TBL1XR1: variants seen among roughly 807,000 people sequenced by gnomAD.
TBL1XR1 encodes F-box-like/WD repeat-containing protein TBL1XR1.
In TBL1XR1, 5 loss-of-function variants were observed where a neutral mutation model predicts 66.9. The observed-to-expected ratio is 0.07, with a 90% confidence interval of 0.04 to 0.16. The LOEUF is 0.16. TBL1XR1 is among the 10% of genes least tolerant of loss of function. The pLI is 1.00. For missense variants in TBL1XR1, 238 were observed against 623.2 expected (o/e 0.38, Z 6.58); for synonymous variants, 210 against 206.0 (o/e 1.02, Z -0.17).
chr3:177,137,995 G>A (rs1157743479), intron 1 of TBL1XR1, among the ~76,000 whole-genome samples: 1 of 152,110 alleles, frequency 6.6e-6, no homozygotes, highest in African/African-American at 2.4e-5. Context: ...CAACAGCACT[G>A]TTGCAAAGCG....
At chr3:177,144,611 G>C (rs913638813) in intron 1 of TBL1XR1, among the ~76,000 whole-genome samples, 4 of 151,996 alleles carry the variant, frequency 2.6e-5, no homozygotes, top group African/African-American at 9.7e-5. Flanking sequence ...AAAATTGGCT[G>C]GGTGTGGTAG....
intron 1 of TBL1XR1, among the ~76,000 whole-genome samples, chr3:177,169,629 A>G (rs79789618): frequency 6.6e-6 from 1 of 152,268 alleles, no homozygotes. Flanking sequence ...CCAGTAATGG[A>G]GTGGTACAAC....
At chr3:177,045,528 G>C (rs1716211331) in intron 10 of TBL1XR1, among the ~76,000 whole-genome samples, 2 of 152,192 alleles carry the variant, frequency 1.3e-5, no homozygotes, top group Admixed American at 1.3e-4. Flanking sequence ...TCAGATAAAA[G>C]TACCACATTG....
intron 1 of TBL1XR1, among the ~76,000 whole-genome samples, chr3:177,155,473 G>T (rs1731378634): frequency 6.6e-6 from 1 of 152,078 alleles, no homozygotes; most frequent in African/African-American, 2.4e-5. Flanking sequence ...GATCTATGTT[G>T]TTCTGTATCT....
At position 177,085,982 on chromosome 3, in the gene TBL1XR1, C is replaced by G. The variant is rs1323970225; in HGVS notation, c.-46+12484G>C. ...AAGTATATGATATGGAATCACTTCT[C>G]TAAACATTAGTTCTTCATTTGTAAA... On this transcript the variant is annotated intron_variant, in intron 2 of 15. Coordinates refer to ENST00000457928, the MANE Select transcript of TBL1XR1 (RefSeq NM_024665.7). Among the ~76,000 whole-genome samples the G allele has an allele frequency of 3.9e-5, 6 of 152,106 alleles. No homozygotes were observed. In the East Asian group the frequency reaches 9.6e-4, roughly 24 times the overall value.
intron 1 of TBL1XR1, among the ~76,000 whole-genome samples, chr3:177,188,163 C>G (rs1735678127): frequency 6.6e-6 from 1 of 151,908 alleles, no homozygotes; most frequent in Admixed American, 6.6e-5. Flanking sequence ...AACTCCTGAC[C>G]TCGTGATCCA....
intron 1 of TBL1XR1, among the ~76,000 whole-genome samples, chr3:177,133,296 AAAAATAAATAAAT>A (rs1380223021): frequency 6.6e-6 from 1 of 151,478 alleles, no homozygotes; most frequent in Non-Finnish European, 1.5e-5. Context: ...TCAAAAAATA[AAAAATAAATAAAT>A]AAAATAAATA....
At chr3:177,123,166 T>C (rs943233791) in intron 1 of TBL1XR1, among the ~76,000 whole-genome samples, 6 of 152,120 alleles carry the variant, frequency 3.9e-5, no homozygotes, top group Non-Finnish European at 8.8e-5. Context: ...AAGAAAATCT[T>C]GATTAGTATA....
At chr3:177,093,628 T>C (rs950110232) in intron 2 of TBL1XR1, among the ~76,000 whole-genome samples, 3 of 152,122 alleles carry the variant, frequency 2.0e-5, no homozygotes, top group East Asian at 1.9e-4. Context: ...AATAGGCACA[T>C]AGGCCAATGG....
chr3:177,037,205 C>T (rs1185786015), intron 12 of TBL1XR1, among the ~76,000 whole-genome samples: 1 of 152,202 alleles, frequency 6.6e-6, no homozygotes, highest in African/African-American at 2.4e-5. Flanking sequence ...CCAATCAAAT[C>T]CATGAATGCT....
At chr3:177,120,005 G>A (rs1180111853) in intron 1 of TBL1XR1, among the ~76,000 whole-genome samples, 2 of 152,160 alleles carry the variant, frequency 1.3e-5, no homozygotes, top group Admixed American at 1.3e-4. Flanking sequence ...TTATACTCCA[G>A]CAGGTGTCTC....
At chr3:177,101,690 A>C (rs1178891610) in intron 1 of TBL1XR1, among the ~76,000 whole-genome samples, 3 of 152,226 alleles carry the variant, frequency 2.0e-5, no homozygotes, top group Non-Finnish European at 2.9e-5. Flanking sequence ...TGGAACTATA[A>C]GAAATCAATT....
At chr3:177,064,078 C>A (rs1403681902) in intron 3 of TBL1XR1, among the ~76,000 whole-genome samples, 1 of 152,146 alleles carries the variant, frequency 6.6e-6, no homozygotes, top group African/African-American at 2.4e-5. Context: ...CTACTTTATC[C>A]TTCCATCCTC....
intron 2 of TBL1XR1, among the ~76,000 whole-genome samples, chr3:177,071,070 G>A (rs1376232648): frequency 4.3e-5 from 4 of 92,096 alleles, no homozygotes; most frequent in Non-Finnish European, 6.2e-5. Flanking sequence ...TTGCTCTGTT[G>A]CCCAGGCTAG....
At chr3:177,166,029 G>A (rs910485180) in intron 1 of TBL1XR1, among the ~76,000 whole-genome samples, 5 of 152,116 alleles carry the variant, frequency 3.3e-5, no homozygotes, top group Non-Finnish European at 5.9e-5. Context: ...GGCGGAGGTT[G>A]CAGGAAGCCA....
rs561788059 is a variant in TBL1XR1 at position 177,145,098 on chromosome 3, G to A, written c.-121-46557C>T. Among the ~76,000 whole-genome samples the A allele has an allele frequency of 7.2e-5, 11 of 152,190 alleles. No homozygotes were observed. The South Asian group carries it at 1.7e-3, about 23-fold the overall frequency. On this transcript the variant is annotated intron_variant, in intron 1 of 15. Coordinates refer to ENST00000457928, the MANE Select transcript of TBL1XR1 (RefSeq NM_024665.7). ...TCAAGTGGTACCAGGCAAGCTTAAC[G>A]AACAGGAACCTAGTGGTTATCAAAC...
chr3:177,095,056 A>G (rs1723293788), intron 2 of TBL1XR1, among the ~76,000 whole-genome samples: 1 of 152,136 alleles, frequency 6.6e-6, no homozygotes, highest in African/African-American at 2.4e-5. Flanking sequence ...ACAAGGAAAT[A>G]ATGTCACAGG....
rs71178099 is a variant in TBL1XR1, at chr3:177,179,117, CA to C, written c.-122+18003del. ...GGGCAACAAGAGCGAAACTACGTCT[CA>C]AAAAAAAAAAAAAAAAAAAAAAAGA... On this transcript the variant is annotated intron_variant, in intron 1 of 15. Transcript: ENST00000457928. Among the ~76,000 whole-genome samples the C allele has an allele frequency of 9.5e-3, 1,023 of 107,234 alleles. 2 individuals carry two copies. The highest frequency in any genetic ancestry group is 0.027 in the African/African-American group (619 of 23,340). The allele number at this position is 107,234 out of a possible 152,430, so 70.3% of individuals were successfully genotyped here.
chr3:177,075,116 G>T (rs1393730274), intron 2 of TBL1XR1, among the ~76,000 whole-genome samples: 5 of 152,238 alleles, frequency 3.3e-5, no homozygotes, highest in Non-Finnish European at 7.3e-5. Flanking sequence ...ATGGCTAGAA[G>T]CCTGAAGTGA....
Sources: allele counts gnomAD v4.1 joint callset (sites outside exome capture counted in the v4.1 genomes callset), GRCh38; gene constraint gnomAD v4.1.1; transcripts MANE v1.5; gene names NCBI Gene and HGNC (gene_info 2026-07-23, HGNC 2026-07-21).